Variants in NTNG1 observed in about 807,000 individuals in gnomAD.
The protein encoded by NTNG1 is netrin-G1.
In NTNG1, 16 loss-of-function variants were observed where a neutral mutation model predicts 54.0. The observed-to-expected ratio is 0.30, with a 90% CI of 0.20 to 0.45. The LOEUF is 0.45. NTNG1 is among the 20% of genes least tolerant of loss of function. The pLI is 1.00. For missense variants in NTNG1, 530 were observed against 678.7 expected, an observed-to-expected ratio of 0.78 and a Z score of 2.43; for synonymous variants, 255 against 263.1, an observed-to-expected ratio of 0.97 and a Z score of 0.30.
At chr1:107,447,864 G>A (rs779874006) in intron 7 of NTNG1, among the ~76,000 whole-genome samples, 1 of 152,046 alleles carries the variant, frequency 6.6e-6, no homozygotes, top group African/African-American at 2.4e-5. Context: ...TAGCAAACTG[G>A]CCTGGCTATC....
intron 7 of NTNG1, among the ~76,000 whole-genome samples, chr1:107,456,330 G>A (rs1676954925): frequency 6.6e-6 from 1 of 152,168 alleles, no homozygotes; most frequent in Non-Finnish European, 1.5e-5. Context: ...CAAAATGAAG[G>A]CCCTTAGATG....
Position 107,335,573 on chromosome 1 carries a change from A to C in NTNG1, c.887+10651A>C, listed in dbSNP as rs1668528997. On this transcript the variant is annotated intron_variant, in intron 3 of 7. Transcript: ENST00000370068. ...TAATAGCGTGAGGCTAATTATGAGA[A>C]GGAGGAAAAAAGAGAGAATGAGACA... Among the ~76,000 whole-genome samples the C allele has an allele frequency of 1.3e-5, 2 of 152,012 alleles. 1 individual carries two copies. Among genetic ancestry groups the C allele is most frequent in the East Asian group, 3.9e-4 (2 of 5,176 alleles).
intron 2 of NTNG1, among the ~76,000 whole-genome samples, chr1:107,275,437 C>G (rs190910748): frequency 5.3e-5 from 8 of 151,762 alleles, no homozygotes; most frequent in Admixed American, 4.6e-4. Context: ...GGAATTGGCT[C>G]ATACAATTAC....
chr1:107,296,024 G>T (rs1665923759), intron 2 of NTNG1, among the ~76,000 whole-genome samples: 1 of 151,998 alleles, frequency 6.6e-6, no homozygotes, highest in South Asian at 2.1e-4. Flanking sequence ...TTAAATAAGT[G>T]GTTTCTGCCT....
rs992652120 is a variant in NTNG1, at chr1:107,430,808, C to T, written c.1146C>T (p.Val382=). The change falls in exon 6 of 8, where the codon GTC becomes GTT. Residue 382 remains valine, a synonymous_variant. Transcript: ENST00000370068. ...GTTATATCGATCTGCTAAATACAGT[C>T]ATTTGCGTGAGCTGTAAACACAACA... is the stretch of plus-strand genomic sequence containing the variant. ...RCSYIDLLNT[V]ICVSCKHNTR... 6.2e-7 allele frequency: 1 copy of T among 1,613,196 alleles called. No individual in the cohort carries two copies. The highest frequency in any genetic ancestry group is 8.5e-7 in the Non-Finnish European group (1 of 1,179,590).
At chr1:107,431,067 A>G in intron 6 of NTNG1, 150 bp downstream of exon 6, 1 of 697,636 alleles carries the variant, frequency 1.4e-6, no homozygotes, top group South Asian at 2.0e-5. Context: ...TTCACTTGTG[A>G]TTTCACTTGT....
chr1:107,206,263 A>G (rs1169588428), intron 2 of NTNG1, among the ~76,000 whole-genome samples: 3 of 152,126 alleles, frequency 2.0e-5, no homozygotes, highest in Non-Finnish European at 2.9e-5. Context: ...CCCAGAATGT[A>G]TGAAATTTCT....
At chr1:107,433,138 T>C (rs1216592707) in intron 6 of NTNG1, among the ~76,000 whole-genome samples, 1 of 152,236 alleles carries the variant, frequency 6.6e-6, no homozygotes. Context: ...TATAAACTTT[T>C]GGAAAATTCC....
intron 2 of NTNG1, among the ~76,000 whole-genome samples, chr1:107,292,971 C>A (rs569057467): frequency 6.7e-6 from 1 of 150,266 alleles, no homozygotes; most frequent in South Asian, 2.1e-4. Flanking sequence ...CTTCATCTCT[C>A]CTTCCGCCTT....
At chr1:107,450,691 T>A (rs1328711730) in intron 7 of NTNG1, among the ~76,000 whole-genome samples, 11 of 152,104 alleles carry the variant, frequency 7.2e-5, no homozygotes, top group Non-Finnish European at 1.6e-4. Flanking sequence ...TAAGTTAAGA[T>A]TTTGTCCAAA....
intron 2 of NTNG1, among the ~76,000 whole-genome samples, chr1:107,278,502 A>C (rs1664627295): frequency 6.6e-6 from 1 of 152,200 alleles, no homozygotes; most frequent in Admixed American, 6.5e-5. Flanking sequence ...TTTAAAAATC[A>C]GACTAAGTGC....
At chr1:107,476,165 G>A (rs1678311905) in intron 7 of NTNG1, among the ~76,000 whole-genome samples, 1 of 152,190 alleles carries the variant, frequency 6.6e-6, no homozygotes, top group African/African-American at 2.4e-5. Context: ...GACTTCTGCG[G>A]TTAATTTCAT....
chr1:107,368,711 A>G (rs1670739275), intron 3 of NTNG1, among the ~76,000 whole-genome samples: 1 of 152,194 alleles, frequency 6.6e-6, no homozygotes, highest in Non-Finnish European at 1.5e-5. Flanking sequence ...AGATAAAGAA[A>G]CTGAGTCTCA....
chr1:107,340,774 C>A (rs1306671610), intron 3 of NTNG1, among the ~76,000 whole-genome samples: 1 of 152,000 alleles, frequency 6.6e-6, no homozygotes, highest in Non-Finnish European at 1.5e-5. Flanking sequence ...GACCTGGGTT[C>A]AAATCACAGC....
chr1:107,471,833 C>T (rs1677998939), intron 7 of NTNG1, among the ~76,000 whole-genome samples: 1 of 152,168 alleles, frequency 6.6e-6, no homozygotes, highest in Non-Finnish European at 1.5e-5. Context: ...ATTCATTATT[C>T]TGGCAGAGAT....
At chr1:107,479,236 A>G (rs975932383) in intron 7 of NTNG1, among the ~76,000 whole-genome samples, 1 of 152,246 alleles carries the variant, frequency 6.6e-6, no homozygotes, top group African/African-American at 2.4e-5. Context: ...ATCCACCACC[A>G]TCTTTCCTAA....
At position 107,148,525 on chromosome 1, in the gene NTNG1, T is replaced by C. The variant is rs1405401571; in HGVS notation, c.-69T>C. 4.7e-6 allele frequency: 7 copies of C among 1,485,808 alleles called. No individual in the cohort carries two copies. In the Admixed American group the frequency reaches 1.2e-4, roughly 26 times the overall value. The allele number at this position is 1,485,808 out of a possible 1,614,324, so 92.0% of individuals were successfully genotyped here. A position where few individuals can be genotyped will look rare whatever the true frequency, so the allele number is the denominator to read the frequency against. ...TACATATGTGTATATATATGTAAAC[T>C]AGACAAAGATCGCAGATCATAAAGC... On this transcript the variant is annotated 5_prime_UTR_variant, in exon 2 of 8. Coordinates refer to ENST00000370068, the MANE Select transcript of NTNG1 (RefSeq NM_001113226.3).
intron 5 of NTNG1, among the ~76,000 whole-genome samples, chr1:107,423,858 A>C (rs150286438): frequency 6.6e-6 from 1 of 152,270 alleles, no homozygotes; most frequent in Non-Finnish European, 1.5e-5. Context: ...TCAGGAATTC[A>C]AACGATGAAG....
intron 3 of NTNG1, among the ~76,000 whole-genome samples, chr1:107,393,282 T>A (rs993575795): frequency 6.6e-6 from 1 of 152,164 alleles, no homozygotes; most frequent in Non-Finnish European, 1.5e-5. Context: ...TAAATCAGTA[T>A]AAGCTGGTGC....
Sources: gnomAD v4.1 joint callset for allele counts (sites outside exome capture counted in the v4.1 genomes callset) on GRCh38, gnomAD v4.1.1 for gene constraint, MANE v1.5 for transcripts, NCBI Gene and HGNC (gene_info 2026-07-23, HGNC 2026-07-21) for gene names.